The following FAAH variants were observed in gnomAD, a reference collection of about 807,000 sequenced individuals.
FAAH encodes the protein fatty acid amide hydrolase.
In FAAH, 63 loss-of-function variants were observed where a neutral mutation model predicts 69.7. The ratio of observed to expected loss-of-function variants is 0.90; its 90% CI spans 0.74 to 1.12. FAAH has a LOEUF of 1.12. FAAH is among the 50% of genes most tolerant of loss of function. The probability of loss-of-function intolerance (pLI) is 0.00; values close to 1 mark genes in which losing one functional copy is unlikely to be tolerated. For missense variants in FAAH, 680 were observed against 755.0 expected (o/e 0.90, Z 1.16); for synonymous variants, 305 against 324.2 (o/e 0.94, Z 0.64).
chr1:46,406,583 C>CTTTTT (rs34839737), intron 7 of FAAH, among the ~76,000 whole-genome samples: 27 of 117,800 alleles, frequency 2.3e-4, no homozygotes, highest in African/African-American at 3.1e-4. Context: ...TTCTTTCTTT[C>CTTTTT]TTTTTTTTTT....
chr1:46,405,115 C>T lies in FAAH; in HGVS notation c.411C>T (p.Val137=). 6.2e-7 allele frequency: 1 copy of T among 1,613,828 alleles called. No individual in the cohort carries two copies. Among genetic ancestry groups the T allele is most frequent in the Non-Finnish European group, 8.5e-7 (1 of 1,180,006 alleles). ...CAAGGCAGGGCCTGCTCTATGGCGTCCCTGTGAGCCTCAAGGAGTGCTTCA... is the reference window on the plus strand; with the variant it reads ...CAAGGCAGGGCCTGCTCTATGGCGTTCCTGTGAGCCTCAAGGAGTGCTTCA... ...QAPRQGLLYG[V]PVSLKECFTY... is the part of the protein sequence containing the mutation. Residue 137 remains valine (V), a synonymous_variant, in exon 3 of 15, where the codon GTC becomes GTT. Transcript: ENST00000243167. The surrounding 1 kb of genome is among the most constrained non-coding windows in gnomAD (Gnocchi z 4.1).
chr1:46,411,625 C>G lies in FAAH; in HGVS notation c.1330C>G (p.Leu444Val). Residue 444 changes from leucine to valine, a missense_variant, in exon 12 of 15, where the codon CTC (leucine) becomes GTC (valine). Leu to Val is a conservative substitution (Grantham distance 32). Transcript: ENST00000243167. This position sits in a 1 kb window ranked among gnomAD's most constrained non-coding sequence, Gnocchi z 4.8. The stretch of plus-strand genomic sequence containing the variant: ...CCTTCTGCCCAGTTCGGCTGGAAAA[C>G]TCTGGGAACTGCAGCACGAGATCGA... ...SNMKSRSAGK[L>V]WELQHEIEVY... is the part of the protein sequence containing the mutation. 1.2e-6 allele frequency: 2 copies of G among 1,614,034 alleles called. No homozygotes were observed. The highest frequency in any genetic ancestry group is 2.2e-5 in the South Asian group (2 of 91,054).
In FAAH at chr1:46,413,139, C is replaced by T. The variant is rs372218454; in HGVS notation, c.1530C>T (p.Thr510=). ...LDFPAGVVPV[T]TVTAEDEAQM... ...TCCCTGCAGGGGTGGTGCCTGTCAC[C>T]ACGGTGACTGCTGAGGACGAGGCCC... The change falls in exon 14 of 15, where the codon ACC becomes ACT. Residue 510 remains threonine (T), a synonymous_variant. Coordinates refer to ENST00000243167, the MANE Select transcript of FAAH (RefSeq NM_001441.3). The T allele has an allele frequency of 3.2e-5, 51 of 1,614,022 alleles. No homozygotes were observed. The Admixed American group carries it at 8.0e-4, about 25-fold the overall frequency.
intron 2 of FAAH, among the ~76,000 whole-genome samples, chr1:46,403,303 G>A (rs1216549288): frequency 2.6e-5 from 4 of 151,706 alleles, no homozygotes; most frequent in East Asian, 3.9e-4. Context: ...GCTAATTTTT[G>A]TATTTTTATT....
In FAAH at chr1:46,411,566, C is replaced by T. The variant is rs76988736; in HGVS notation, c.1317-46C>T. 837 of 1,610,072 alleles carry T rather than the reference C, an allele frequency of 5.2e-4. 9 individuals are homozygous for T. In the East Asian group the frequency reaches 0.014, roughly 27 times the overall value. On this transcript the variant is annotated intron_variant, in intron 11 of 14. Transcript: ENST00000243167. The surrounding 1 kb of genome is among the most constrained non-coding windows in gnomAD (Gnocchi z 4.8). ...GTAGGGGTCTGATGTTGCTGATCTC[C>T]GTGGCTGTGACCATCATGGCTGGTG...
chr1:46,401,585 G>A (rs2148446645), intron 1 of FAAH, among the ~76,000 whole-genome samples: 1 of 152,296 alleles, frequency 6.6e-6, no homozygotes, highest in South Asian at 2.1e-4. Context: ...ATGGCATGGG[G>A]TCAGGTGCAG....
At position 46,412,260 on chromosome 1, in the gene FAAH, C is replaced by CGA; in HGVS notation, c.1465+10_1465+11dup. ...CCCAGGCAGGGCCACAGGTGAGGCCCGACACCCTGCCTGTCCCTTCTGTGA... is the reference window on the plus strand; with the variant it reads ...CCCAGGCAGGGCCACAGGTGAGGCCCGAGACACCCTGCCTGTCCCTTCTGTGA... On this transcript the variant is annotated intron_variant, in intron 13 of 14. Transcript: ENST00000243167. 6.5e-7 allele frequency: 1 copy of CGA among 1,544,364 alleles called. No homozygotes were observed. Among genetic ancestry groups the CGA allele is most frequent in the Admixed American group, 2.0e-5 (1 of 51,010 alleles).
At chr1:46,402,694 A>ATT (rs778164719) in intron 2 of FAAH, among the ~76,000 whole-genome samples, 4 of 134,166 alleles carry the variant, frequency 3.0e-5, no homozygotes, top group Non-Finnish European at 6.4e-5. Flanking sequence ...AAGAAAAAAA[A>ATT]TTTTTTTTTT....
chr1:46,401,964 C>G (rs997711873), intron 1 of FAAH, 127 bp from the exon 2 acceptor site: 19 of 799,164 alleles, frequency 2.4e-5, no homozygotes, highest in Admixed American at 6.0e-5. Context: ...GCTGCATTCT[C>G]TAGGGATGGC....
Position 46,405,386 on chromosome 1 carries a change from G to C in FAAH, c.459G>C (p.Thr153=), listed in dbSNP as rs771224976. Residue 153 remains threonine (T), a synonymous_variant, in exon 4 of 15, where the codon ACG becomes ACC. Coordinates refer to ENST00000243167, the MANE Select transcript of FAAH (RefSeq NM_001441.3). This position sits in a 1 kb window ranked among gnomAD's most constrained non-coding sequence, Gnocchi z 4.1. ...CCTCCTCCCAGGGCCAGGACTCCAC[G>C]CTGGGCTTGAGCCTGAATGAAGGGG... is the stretch of plus-strand genomic sequence containing the variant. The part of the protein sequence containing the change: ...ECFTYKGQDS[T]LGLSLNEGVP... The C allele has an allele frequency of 1.9e-6, 3 of 1,611,384 alleles. No individual in the cohort carries two copies. Among genetic ancestry groups the C allele is most frequent in the Non-Finnish European group, 2.5e-6 (3 of 1,180,008 alleles).
rs1664777338 is a variant in FAAH, at chr1:46,405,566, G to A, written c.579-22G>A. The A allele has an allele frequency of 1.9e-6, 3 of 1,613,142 alleles. No homozygotes were observed. The highest frequency in any genetic ancestry group is 2.5e-6 in the Non-Finnish European group (3 of 1,180,044). ...CACCGGTCCCAGCATGGCACGGGCT[G>A]ACCCATTCTTGGCTCCTCCAGCTAT... On this transcript the variant is annotated intron_variant, in intron 4 of 14. Coordinates refer to ENST00000243167, the MANE Select transcript of FAAH (RefSeq NM_001441.3). This position sits in a 1 kb window ranked among gnomAD's most constrained non-coding sequence, Gnocchi z 4.1.
chr1:46,395,292 C>T (rs1192385519), intron 1 of FAAH, among the ~76,000 whole-genome samples: 1 of 152,218 alleles, frequency 6.6e-6, no homozygotes, highest in Non-Finnish European at 1.5e-5. Flanking sequence ...AAGAAACCTG[C>T]CAAGTGCACA....
chr1:46,406,329 C>T lies in FAAH; in HGVS notation c.912C>T (p.Arg304=). 1 of 1,613,860 alleles carries T rather than the reference C, an allele frequency of 6.2e-7. No individual in the cohort carries two copies. Among genetic ancestry groups the T allele is most frequent in the South Asian group, 1.1e-5 (1 of 91,082 alleles). ...LRALLCEDMF[R]LDPTVPPLPF... is the part of the protein sequence containing the mutation. Reference sequence around the variant, plus strand: ...CCCTGCTGTGTGAGGACATGTTCCGCTTGGACCCCACTGTGCCTCCCTTGC... The same window carrying T: ...CCCTGCTGTGTGAGGACATGTTCCGTTTGGACCCCACTGTGCCTCCCTTGC... Residue 304 remains arginine (R), a synonymous_variant, in exon 7 of 15, where the codon CGC becomes CGT. Coordinates refer to ENST00000243167, the MANE Select transcript of FAAH (RefSeq NM_001441.3).
chr1:46,407,001 CCTTT>C (rs956376282), intron 7 of FAAH, among the ~76,000 whole-genome samples: 40 of 152,036 alleles, frequency 2.6e-4, no homozygotes, highest in African/African-American at 7.2e-5. Flanking sequence ...CAAACAGCAG[CCTTT>C]CTAACAGTAT....
chr1:46,408,158 C>G (rs887909256), intron 7 of FAAH, among the ~76,000 whole-genome samples: 7 of 152,276 alleles, frequency 4.6e-5, no homozygotes, highest in Middle Eastern at 3.4e-3. Context: ...GCCTGCATTC[C>G]AGACCTGTCT....
chr1:46,394,558 G>C lies in FAAH; in HGVS notation c.195+15G>C. ...TCCGGCTCCAGGTGACTGCCGGAGCGTAGTGGGATGGGCGCGGCCTGAGGG... is the reference window on the plus strand; with the variant it reads ...TCCGGCTCCAGGTGACTGCCGGAGCCTAGTGGGATGGGCGCGGCCTGAGGG... On this transcript the variant is annotated intron_variant, in intron 1 of 14. Coordinates refer to ENST00000243167, the MANE Select transcript of FAAH (RefSeq NM_001441.3). The C allele has an allele frequency of 5.2e-6, 7 of 1,343,474 alleles. No homozygotes were observed. Among genetic ancestry groups the C allele is most frequent in the East Asian group, 3.1e-5 (1 of 32,428 alleles). 83.2% of individuals were successfully genotyped at this position (1,343,474 alleles called of 1,614,324 possible).
chr1:46,397,541 AT>A (rs1252189718), intron 1 of FAAH, among the ~76,000 whole-genome samples: 1 of 150,798 alleles, frequency 6.6e-6, no homozygotes, highest in East Asian at 1.9e-4. Flanking sequence ...GGGGAGTAGG[AT>A]TTTTTTTTGG....
intron 2 of FAAH, 55 bp downstream of exon 2, chr1:46,402,259 A>T: frequency 1.4e-6 from 2 of 1,405,044 alleles, no homozygotes; most frequent in Non-Finnish European, 2.0e-6. Flanking sequence ...AGCCAAGGCC[A>T]GCCCCTCCCT....
In FAAH at chr1:46,413,354, C is replaced by T. The variant is rs536236836; in HGVS notation, c.1612-93C>T. ...CCTGAAGGACTATGGCCTGGCCCTA[C>T]GTTGTGGCCTCTCTCTAGCTGGGTG... On this transcript the variant is annotated intron_variant, in intron 14 of 14. Transcript: ENST00000243167. 1.9e-3 allele frequency: 3,129 copies of T among 1,609,358 alleles called. 8 individuals carry two copies. Among genetic ancestry groups the T allele is most frequent in the Non-Finnish European group, 2.5e-3 (2,951 of 1,177,354 alleles).
Sources: gnomAD v4.1 joint callset for allele counts (sites outside exome capture counted in the v4.1 genomes callset) on GRCh38, gnomAD v4.1.1 for gene constraint, Gnocchi (gnomAD v3.1) non-coding constraint, MANE v1.5 for transcripts, NCBI Gene and HGNC (gene_info 2026-07-23, HGNC 2026-07-21) for gene names.